The following SPIRE1 variants were observed in gnomAD, a reference collection of about 807,000 sequenced individuals.
SPIRE1 encodes the protein spire type actin nucleation factor 1.
In SPIRE1, 40 loss-of-function variants were observed where a neutral mutation model predicts 94.1. That is an observed-to-expected ratio of 0.43 (90% CI 0.33 to 0.55). SPIRE1 has a LOEUF of 0.55. Among genes scored for constraint, SPIRE1 ranks in the 20% least tolerant of loss-of-function variants. The pLI, the probability that SPIRE1 is intolerant of heterozygous loss-of-function variation, is 0.06. For missense variants in SPIRE1, 838 were observed against 975.2 expected (o/e 0.86, Z 1.87); for synonymous variants, 376 against 371.7 (o/e 1.01, Z -0.13).
chr18:12,570,831 G>T (rs2035943654), intron 2 of SPIRE1, among the ~76,000 whole-genome samples: 1 of 152,092 alleles, frequency 6.6e-6, no homozygotes, highest in African/African-American at 2.4e-5. Flanking sequence ...CACACCAAAT[G>T]AGGACTTCCC....
upstream of SPIRE1, chr18:12,658,338 G>A (rs1350752660): frequency 4.6e-6 from 2 of 432,236 alleles, no homozygotes; most frequent in Admixed American, 2.5e-5. Flanking sequence ...AGCTGGGGGC[G>A]CAATGGTGAG....
chr18:12,453,627 G>A (rs910992118), intron 13 of SPIRE1, among the ~76,000 whole-genome samples: 7 of 151,750 alleles, frequency 4.6e-5, no homozygotes, highest in Non-Finnish European at 1.0e-4. Context: ...GTAGAGATGG[G>A]GTTTCACTGT....
At chr18:12,451,153 C>T (rs1568177110) in intron 16 of SPIRE1, 2 of 282,764 alleles carry the variant, frequency 7.1e-6, no homozygotes, top group East Asian at 7.5e-5. Flanking sequence ...ATCTGATTCC[C>T]AATGAACATT....
intron 4 of SPIRE1, among the ~76,000 whole-genome samples, chr18:12,513,955 C>G (rs892740444): frequency 1.3e-5 from 2 of 152,134 alleles, no homozygotes; most frequent in Non-Finnish European, 2.9e-5. Flanking sequence ...GTAATTCTCC[C>G]AGCTTAGCCT....
chr18:12,460,460 C>T (rs1359725583), intron 12 of SPIRE1, among the ~76,000 whole-genome samples: 1 of 152,222 alleles, frequency 6.6e-6, no homozygotes, highest in Non-Finnish European at 1.5e-5. Context: ...CGCCTGTAAT[C>T]TCAGCACTTT....
intron 2 of SPIRE1, among the ~76,000 whole-genome samples, chr18:12,578,887 CT>C (rs1386587426): frequency 1.3e-5 from 2 of 152,092 alleles, no homozygotes; most frequent in Non-Finnish European, 2.9e-5. Context: ...GAAGTTTTGA[CT>C]TTTTTTCTAT....
At chr18:12,496,611 T>C (rs1485590520) in intron 6 of SPIRE1, among the ~76,000 whole-genome samples, 1 of 152,202 alleles carries the variant, frequency 6.6e-6, no homozygotes, top group Non-Finnish European at 1.5e-5. Context: ...GGCTCACGTC[T>C]GTAATCCCAG....
upstream of SPIRE1, among the ~76,000 whole-genome samples, chr18:12,660,613 G>A (rs1221870157): frequency 6.6e-6 from 1 of 152,108 alleles, no homozygotes; most frequent in East Asian, 1.9e-4. Context: ...GAGCCACTGT[G>A]CCCGGCCAAA....
chr18:12,560,433 A>G (rs979554032), intron 2 of SPIRE1, among the ~76,000 whole-genome samples: 5 of 152,262 alleles, frequency 3.3e-5, no homozygotes, highest in Admixed American at 3.3e-4. Context: ...GTCATTTGCA[A>G]CAACATGAAT....
At chr18:12,581,065 T>G (rs2036245466) in intron 2 of SPIRE1, among the ~76,000 whole-genome samples, 1 of 152,192 alleles carries the variant, frequency 6.6e-6, no homozygotes, top group Non-Finnish European at 1.5e-5. Context: ...GGTACTCTAT[T>G]TAATACCCAC....
intron 2 of SPIRE1, among the ~76,000 whole-genome samples, chr18:12,588,081 T>C (rs1352676141): frequency 6.6e-6 from 1 of 152,174 alleles, no homozygotes; most frequent in Non-Finnish European, 1.5e-5. Context: ...TATAATGCAA[T>C]CATATAACAT....
At chr18:12,541,265 G>C (rs954716293) in intron 3 of SPIRE1, among the ~76,000 whole-genome samples, 1 of 152,134 alleles carries the variant, frequency 6.6e-6, no homozygotes, top group Admixed American at 6.5e-5. Context: ...CCTGGAATAC[G>C]GAGAAATTTT....
chr18:12,616,630 T>C (rs2037315450), intron 2 of SPIRE1, among the ~76,000 whole-genome samples: 1 of 152,260 alleles, frequency 6.6e-6, no homozygotes, highest in African/African-American at 2.4e-5. Flanking sequence ...ATTGCATTAC[T>C]GTGCTTACTT....
intron 2 of SPIRE1, among the ~76,000 whole-genome samples, chr18:12,619,104 G>C (rs1454779268): frequency 2.0e-5 from 3 of 151,870 alleles, no homozygotes; most frequent in African/African-American, 7.3e-5. Context: ...GGCTGGTCTC[G>C]AACTCCCACT....
At chr18:12,489,436 A>C (rs1157797728) in intron 8 of SPIRE1, among the ~76,000 whole-genome samples, 1 of 152,176 alleles carries the variant, frequency 6.6e-6, no homozygotes, top group Non-Finnish European at 1.5e-5. Flanking sequence ...TTTTGAAATA[A>C]GGCTGACTAC....
chr18:12,585,800 C>A (rs923041625), intron 2 of SPIRE1, among the ~76,000 whole-genome samples: 1 of 152,044 alleles, frequency 6.6e-6, no homozygotes, highest in African/African-American at 2.4e-5. Context: ...AAATAATAAA[C>A]CCATATACAT....
At chr18:12,590,496 G>A (rs2036503034) in intron 2 of SPIRE1, among the ~76,000 whole-genome samples, 1 of 152,062 alleles carries the variant, frequency 6.6e-6, no homozygotes. Context: ...GCCTAAAGAA[G>A]AAAGCCCAAA....
In SPIRE1 at chr18:12,519,343, TGCACACAC is replaced by T. The variant is rs1233950940; in HGVS notation, c.730-6820_730-6813del. Among the ~76,000 whole-genome samples, 6 of 152,144 alleles carry T rather than the reference TGCACACAC, an allele frequency of 3.9e-5. No homozygotes were observed. The East Asian group carries it at 7.7e-4, about 20-fold the overall frequency. Reference sequence around the variant, plus strand: ...TATTTTTTGTACCTATACACACATGTGCACACACGCACGCACACACACACACGCAAACA... The same window carrying T: ...TATTTTTTGTACCTATACACACATGTGCACGCACACACACACACGCAAACA... On this transcript the variant is annotated intron_variant, in intron 4 of 16. Coordinates refer to ENST00000409402, the MANE Select transcript of SPIRE1 (RefSeq NM_001128626.2).
intron 2 of SPIRE1, among the ~76,000 whole-genome samples, chr18:12,634,117 G>A (rs9959191): frequency 0.39 from 58,626 of 151,100 alleles, 12,002 homozygotes; most frequent in East Asian, 0.6. Flanking sequence ...GCGCGGTGGC[G>A]GGCGCCTGTA....
Sources: allele counts gnomAD v4.1 joint callset (sites outside exome capture counted in the v4.1 genomes callset), GRCh38; gene constraint gnomAD v4.1.1; transcripts MANE v1.5; gene names NCBI Gene and HGNC (gene_info 2026-07-23, HGNC 2026-07-21).